BRWD3: variants seen among roughly 807,000 people sequenced by gnomAD.
BRWD3 encodes the protein bromodomain and WD repeat domain containing 3, also known as bromodomain and WD repeat-containing protein 3.
Under a neutral mutation model 149.7 loss-of-function variants are expected in BRWD3, and 10 were observed. The ratio of observed to expected loss-of-function variants is 0.07; its 90% CI spans 0.04 to 0.11. The LOEUF is 0.11. Ranked by LOEUF, BRWD3 falls within the 10% of genes least tolerant of loss-of-function variation. The probability of loss-of-function intolerance (pLI) is 1.00; values close to 1 mark genes in which losing one functional copy is unlikely to be tolerated. For missense variants in BRWD3, 940 were observed against 1,373.2 expected, an observed-to-expected ratio of 0.68 and a Z score of 4.99; for synonymous variants, 504 against 456.7, an observed-to-expected ratio of 1.10 and a Z score of -1.32.
At chrX:80,803,547 C>T (rs1026070457) in intron 4 of BRWD3, among the ~76,000 whole-genome samples, 50 of 111,948 alleles carry the variant, frequency 4.5e-4, no homozygotes, top group African/African-American at 1.6e-3. Context: ...TCAGAGAGCG[C>T]GTGGTGGCTC....
intron 20 of BRWD3, among the ~76,000 whole-genome samples, chrX:80,715,070 G>A (rs2073056288): frequency 9.0e-6 from 1 of 111,318 alleles, no homozygotes; most frequent in Non-Finnish European, 1.9e-5. Flanking sequence ...GTATGTAAAT[G>A]TTTCACATTT....
At chrX:80,797,278 A>C (rs918320275) in intron 4 of BRWD3, among the ~76,000 whole-genome samples, 3 of 111,908 alleles carry the variant, frequency 2.7e-5, no homozygotes, top group African/African-American at 9.7e-5. Flanking sequence ...TTTTTCATCA[A>C]GTAAATGCTG....
chrX:80,687,057 T>A, intron 34 of BRWD3, 54 bp from the exon 35 acceptor site: 1 of 1,100,367 alleles, frequency 9.1e-7, no homozygotes, highest in South Asian at 1.9e-5. Context: ...CTCAGTTGAT[T>A]TTCTCATAAG....
At chrX:80,758,187 G>A (rs556941307) in intron 6 of BRWD3, among the ~76,000 whole-genome samples, 5 of 110,437 alleles carry the variant, frequency 4.5e-5, no homozygotes, top group African/African-American at 1.3e-4. Context: ...CAACAAGAGC[G>A]AAACTCCATC....
intron 6 of BRWD3, among the ~76,000 whole-genome samples, chrX:80,754,541 T>G (rs2073713197): frequency 1.8e-5 from 2 of 112,157 alleles, no homozygotes; most frequent in South Asian, 7.4e-4. Flanking sequence ...TCCATTACTA[T>G]GTTGAATAGG....
intron 6 of BRWD3, among the ~76,000 whole-genome samples, chrX:80,753,297 G>T: frequency 9.9e-6 from 1 of 101,057 alleles, no homozygotes; most frequent in Non-Finnish European, 2.0e-5. Flanking sequence ...TTTAGATGGA[G>T]TTTCACTCGT....
At chrX:80,764,470 T>C (rs1247633395) in intron 6 of BRWD3, among the ~76,000 whole-genome samples, 2 of 104,412 alleles carry the variant, frequency 1.9e-5, no homozygotes, top group African/African-American at 7.8e-5. Flanking sequence ...CACGCCTGGA[T>C]AATTTTTTTT....
At chrX:80,784,711 C>T (rs747696753) in intron 6 of BRWD3, among the ~76,000 whole-genome samples, 8 of 112,108 alleles carry the variant, frequency 7.1e-5, no homozygotes, top group Non-Finnish European at 1.3e-4. Flanking sequence ...CTGCAAAGGA[C>T]GTGATCCCAT....
chrX:80,743,928 T>A, intron 8 of BRWD3, 104 bp downstream of exon 8: 1 of 686,448 alleles, frequency 1.5e-6, no homozygotes, highest in South Asian at 2.9e-5. Context: ...AGAGCATTTT[T>A]CTCTTGTTAT....
At chrX:80,721,163 G>A (rs2073145141) in intron 17 of BRWD3, among the ~76,000 whole-genome samples, 1 of 112,063 alleles carries the variant, frequency 8.9e-6, no homozygotes. Flanking sequence ...ATTTCTGAAT[G>A]AAAATGTTAA....
chrX:80,682,418 T>C, intron 38 of BRWD3, 47 bp downstream of exon 38: 1 of 1,174,885 alleles, frequency 8.5e-7, no homozygotes, highest in Non-Finnish European at 1.2e-6. Flanking sequence ...AGGTAATACA[T>C]ACAAAATGCT....
intron 24 of BRWD3, among the ~76,000 whole-genome samples, chrX:80,703,077 A>T (rs1296299899): frequency 9.0e-6 from 1 of 111,672 alleles, no homozygotes; most frequent in Non-Finnish European, 1.9e-5. Context: ...GCTCATTTAA[A>T]GGAGTAAATA....
At chrX:80,683,126 C>A (rs1478073091) in intron 37 of BRWD3, among the ~76,000 whole-genome samples, 2 of 111,746 alleles carry the variant, frequency 1.8e-5, no homozygotes, top group East Asian at 5.6e-4. Context: ...AACCACACAA[C>A]AGAATACCAT....
At chrX:80,715,088 A>G (rs1246541976) in intron 20 of BRWD3, among the ~76,000 whole-genome samples, 1 of 111,356 alleles carries the variant, frequency 9.0e-6, no homozygotes, top group East Asian at 2.8e-4. Flanking sequence ...TTTTCAACCT[A>G]AGTAAAAATA....
At chrX:80,795,352 T>TACAC (rs200518888) in intron 4 of BRWD3, among the ~76,000 whole-genome samples, 4 of 108,542 alleles carry the variant, frequency 3.7e-5, no homozygotes, top group African/African-American at 1.3e-4. Flanking sequence ...TGTATATATA[T>TACAC]ACACACACAC....
rs1337965477 is a variant in BRWD3, at chrX:80,682,569, G to T, written c.4293C>A (p.Ile1431=). Reference sequence around the variant, plus strand: ...TCTGGATTGCTGACTTATATTCAGAGATGATATTTTTGATATGACTTTCAA... The same window carrying T: ...TCTGGATTGCTGACTTATATTCAGATATGATATTTTTGATATGACTTTCAA... The part of the protein sequence containing the change: ...ALFESHIKNI[I]SEYKSAIQSQ... Residue 1431 remains isoleucine, a synonymous_variant, in exon 38 of 41, where the codon ATC becomes ATA. Coordinates refer to ENST00000373275, the MANE Select transcript of BRWD3 (RefSeq NM_153252.5). 5.8e-6 allele frequency: 7 copies of T among 1,207,582 alleles called. No homozygotes were observed. The African/African-American group carries it at 1.2e-4, about 21-fold the overall frequency.
chrX:80,772,860 T>C (rs2073960788), intron 6 of BRWD3, among the ~76,000 whole-genome samples: 1 of 112,028 alleles, frequency 8.9e-6, no homozygotes, highest in African/African-American at 3.2e-5. Context: ...AATTGGTGAA[T>C]GACCAAACAA....
intron 6 of BRWD3, among the ~76,000 whole-genome samples, chrX:80,758,772 G>A (rs781385256): frequency 3.6e-5 from 4 of 111,274 alleles, no homozygotes; most frequent in South Asian, 7.6e-4. Context: ...GCAATATAGC[G>A]AGATCCCATC....
At chrX:80,759,475 G>A (rs889622798) in intron 6 of BRWD3, among the ~76,000 whole-genome samples, 1 of 111,629 alleles carries the variant, frequency 9.0e-6, no homozygotes, top group Admixed American at 9.5e-5. Flanking sequence ...AATCTACCTT[G>A]CATTTTCTTT....
Sources: gnomAD v4.1 joint callset for allele counts (sites outside exome capture counted in the v4.1 genomes callset) on GRCh38, gnomAD v4.1.1 for gene constraint, MANE v1.5 for transcripts, NCBI Gene and HGNC (gene_info 2026-07-23, HGNC 2026-07-21) for gene names.